The following SVIL variants were observed in gnomAD, a reference collection of about 807,000 sequenced individuals.
SVIL encodes the protein supervillin, also known as archvillin.
A neutral mutation model predicts 240.4 loss-of-function variants in SVIL; 101 were observed. That is an observed-to-expected ratio of 0.42 (90% CI 0.36 to 0.50). The LOEUF (loss-of-function observed/expected upper bound fraction) is 0.50, where lower values mean the gene tolerates loss of function less well. SVIL is among the 20% of genes least tolerant of loss of function. SVIL has a pLI of 0.01. For synonymous variants in SVIL, 999 were observed against 1,100.0 expected (o/e 0.91, Z 1.82); for missense variants, 2,512 against 2,818.7 (o/e 0.89, Z 2.46).
intron 2 of SVIL, among the ~76,000 whole-genome samples, chr10:29,680,076 T>A (rs1166617593): frequency 6.6e-6 from 1 of 152,008 alleles, no homozygotes; most frequent in East Asian, 1.9e-4. Context: ...TCCCAGCCAC[T>A]TGGGGGGCTT....
At chr10:29,527,520 G>A (rs975716046) in intron 12 of SVIL, among the ~76,000 whole-genome samples, 1 of 151,908 alleles carries the variant, frequency 6.6e-6, no homozygotes, top group African/African-American at 2.4e-5. Flanking sequence ...TCCGCCTCCC[G>A]GGGTCAAGTG....
chr10:29,556,417 T>A (rs1289984037), intron 3 of SVIL, among the ~76,000 whole-genome samples: 3 of 152,146 alleles, frequency 2.0e-5, no homozygotes, highest in Non-Finnish European at 2.9e-5. Flanking sequence ...TAATTTTTAG[T>A]AATGAGTCAA....
intron 1 of SVIL, among the ~76,000 whole-genome samples, chr10:29,594,470 T>C (rs1239609549): frequency 6.6e-6 from 1 of 152,000 alleles, no homozygotes; most frequent in Non-Finnish European, 1.5e-5. Flanking sequence ...TATGTACCAC[T>C]CTAGTGGGGG....
At chr10:29,669,002 T>C (rs764984529) in intron 2 of SVIL, among the ~76,000 whole-genome samples, 53 of 152,294 alleles carry the variant, frequency 3.5e-4, no homozygotes, top group Non-Finnish European at 5.9e-4. Flanking sequence ...TAAACCAATG[T>C]CCCTGTCTCT....
intron 12 of SVIL, 37 bp downstream of exon 12, chr10:29,529,668 A>G: frequency 3.2e-6 from 5 of 1,549,392 alleles, no homozygotes; most frequent in Non-Finnish European, 4.3e-6. Flanking sequence ...AAAAAAAGAC[A>G]CTATAGACAA....
rs1295592102 is a variant in SVIL, at chr10:29,514,202, TATCCATAAATATTAA to T, written c.3390-1356_3390-1342del. Among the ~76,000 whole-genome samples the T allele has an allele frequency of 5.9e-5, 9 of 152,076 alleles. No homozygotes were observed. In the East Asian group the frequency reaches 1.2e-3, roughly 20 times the overall value. ...TAAATATTAAATCCATAAATATTTT[TATCCATAAATATTAA>T]ATCCATAAATATTTTTTATTGTTAT... On this transcript the variant is annotated intron_variant, in intron 16 of 37. Transcript: ENST00000355867.
chr10:29,585,733 C>A (rs1211885171), intron 1 of SVIL, among the ~76,000 whole-genome samples: 1 of 152,192 alleles, frequency 6.6e-6, no homozygotes, highest in East Asian at 1.9e-4. Flanking sequence ...AGCTTATGAG[C>A]CCTGGTGCCC....
intron 1 of SVIL, among the ~76,000 whole-genome samples, chr10:29,628,987 C>T (rs1957981478): frequency 6.6e-6 from 1 of 152,068 alleles, no homozygotes; most frequent in Non-Finnish European, 1.5e-5. Context: ...GGTTCCATCC[C>T]AGGGAGGCTG....
Position 29,486,420 on chromosome 10 carries a change from G to T in SVIL, c.4623C>A (p.Thr1541=), listed in dbSNP as rs766023435. The T allele has an allele frequency of 3.1e-6, 5 of 1,614,182 alleles. No homozygotes were observed. The highest frequency in any genetic ancestry group is 4.2e-6 in the Non-Finnish European group (5 of 1,180,046). Residue 1541 remains threonine, a synonymous_variant, in exon 25 of 38, where the codon ACC becomes ACA. Coordinates refer to ENST00000355867, the MANE Select transcript of SVIL (RefSeq NM_021738.3). ...KDFWKLLGGQ[T]SYQSAGDPKE... Reference sequence around the variant, plus strand: ...ACAATGAAGTCTTACATTGGTAACTGGTTTGGCCACCCAGAAGCTTCCAGA... The same window carrying T: ...ACAATGAAGTCTTACATTGGTAACTTGTTTGGCCACCCAGAAGCTTCCAGA...
intron 3 of SVIL, among the ~76,000 whole-genome samples, chr10:29,643,146 G>A (rs1564730510): frequency 6.6e-6 from 1 of 152,200 alleles, no homozygotes; most frequent in African/African-American, 2.4e-5. Flanking sequence ...ATGTTTCTGT[G>A]TAGTGGCCTC....
At chr10:29,598,700 T>G in intron 1 of SVIL, among the ~76,000 whole-genome samples, 1 of 152,220 alleles carries the variant, frequency 6.6e-6, no homozygotes. Flanking sequence ...CAACTGTCTC[T>G]GGGGTGAGTG....
At chr10:29,486,930 A>G (rs1261571058) in intron 24 of SVIL, among the ~76,000 whole-genome samples, 2 of 152,202 alleles carry the variant, frequency 1.3e-5, no homozygotes, top group Non-Finnish European at 1.5e-5. Flanking sequence ...AGGAGTAGGA[A>G]GGAACCCAGG....
intron 34 of SVIL, among the ~76,000 whole-genome samples, 163 bp from the exon 35 acceptor site, chr10:29,463,798 C>T (rs1272093994): frequency 2.0e-5 from 3 of 152,194 alleles, no homozygotes; most frequent in African/African-American, 7.2e-5. Flanking sequence ...ACAGAGAAAC[C>T]CAGGATACCC....
At chr10:29,728,913 G>C (rs775595713) in intron 1 of SVIL, among the ~76,000 whole-genome samples, 8 of 152,114 alleles carry the variant, frequency 5.3e-5, no homozygotes, top group Non-Finnish European at 7.4e-5. Flanking sequence ...TGAAACCCAG[G>C]CCTGCCGGGA....
intron 29 of SVIL, among the ~76,000 whole-genome samples, chr10:29,476,234 A>T (rs1946178711): frequency 6.6e-6 from 1 of 152,248 alleles, no homozygotes; most frequent in Non-Finnish European, 1.5e-5. Flanking sequence ...TGCACTAAAT[A>T]GATTATTGAG....
At chr10:29,562,648 C>A (rs1954593910) in intron 3 of SVIL, among the ~76,000 whole-genome samples, 1 of 151,878 alleles carries the variant, frequency 6.6e-6, no homozygotes, top group Non-Finnish European at 1.5e-5. Flanking sequence ...GTAGTCCCAG[C>A]TATTCGGGAG....
At chr10:29,473,639 T>C (rs765306900) in intron 30 of SVIL, 199 bp downstream of exon 30, 5 of 638,694 alleles carry the variant, frequency 7.8e-6, no homozygotes, top group Non-Finnish European at 1.3e-5. Context: ...TCCAGGATCA[T>C]CTTACAAAAA....
chr10:29,638,153 T>C (rs141305351), upstream of SVIL, among the ~76,000 whole-genome samples: 541 of 152,298 alleles, frequency 3.6e-3, 2 homozygotes, highest in African/African-American at 0.012. Flanking sequence ...CATCTGAATC[T>C]ATAATTATCT....
chr10:29,538,825 A>C (rs1012451711), intron 6 of SVIL, among the ~76,000 whole-genome samples: 1 of 152,192 alleles, frequency 6.6e-6, no homozygotes, highest in African/African-American at 2.4e-5. Context: ...ACCCCATTCT[A>C]AGTTGAGGAA....
Sources: allele counts gnomAD v4.1 joint callset (sites outside exome capture counted in the v4.1 genomes callset), GRCh38; gene constraint gnomAD v4.1.1; transcripts MANE v1.5; gene names NCBI Gene and HGNC (gene_info 2026-07-23, HGNC 2026-07-21).